Variants in CACNA2D3 observed in about 807,000 individuals in gnomAD.
CACNA2D3 encodes the protein voltage-dependent calcium channel subunit alpha-2/delta-3.
A neutral mutation model predicts 160.6 loss-of-function variants in CACNA2D3; 60 were observed. That is an observed-to-expected ratio of 0.37 (90% CI 0.30 to 0.46). The LOEUF is 0.46. CACNA2D3 is among the 20% of genes least tolerant of loss of function. The pLI, the probability that CACNA2D3 is intolerant of heterozygous loss-of-function variation, is 1.00. For synonymous variants in CACNA2D3, 558 were observed against 492.9 expected, an observed-to-expected ratio of 1.13 and a Z score of -1.75; for missense variants, 1,205 against 1,365.0, an observed-to-expected ratio of 0.88 and a Z score of 1.85.
At chr3:54,839,833 C>A (rs960809863) in intron 16 of CACNA2D3, among the ~76,000 whole-genome samples, 1 of 152,136 alleles carries the variant, frequency 6.6e-6, no homozygotes, top group East Asian at 1.9e-4. Flanking sequence ...CCCTCCAATC[C>A]CTCGTTCCCC....
chr3:54,802,530 T>C (rs1703015762), intron 13 of CACNA2D3, among the ~76,000 whole-genome samples: 1 of 152,204 alleles, frequency 6.6e-6, no homozygotes, highest in Non-Finnish European at 1.5e-5. Context: ...TGAATCCCTT[T>C]ATTTGTACAA....
intron 13 of CACNA2D3, among the ~76,000 whole-genome samples, chr3:54,776,188 C>T (rs1424359075): frequency 6.6e-6 from 1 of 152,190 alleles, no homozygotes; most frequent in African/African-American, 2.4e-5. Flanking sequence ...GGGATAGAAA[C>T]AGATCAGCCA....
intron 3 of CACNA2D3, among the ~76,000 whole-genome samples, chr3:54,359,128 A>G (rs374971493): frequency 6.6e-6 from 1 of 152,348 alleles, no homozygotes; most frequent in African/African-American, 2.4e-5. Flanking sequence ...AGAGAAACAA[A>G]TAGAACATGG....
rs567818601 is a variant in CACNA2D3, at chr3:54,919,948, A to G, written c.2449+20080A>G. On this transcript the variant is annotated intron_variant, in intron 27 of 37. Coordinates refer to ENST00000474759, the MANE Select transcript of CACNA2D3 (RefSeq NM_018398.3). Reference sequence around the variant, plus strand: ...CTCCTCTCAGGAGCGTTGTGAGGTCAGAGGAGTGGGCAGGATGGCCCTCGG... The same window carrying G: ...CTCCTCTCAGGAGCGTTGTGAGGTCGGAGGAGTGGGCAGGATGGCCCTCGG... 4.6e-5 allele frequency among the ~76,000 whole-genome samples: 7 copies of G among 152,292 alleles called. No individual in the cohort carries two copies. In the East Asian group the frequency reaches 1.4e-3, roughly 29 times the overall value.
chr3:54,448,636 C>T (rs1700258714), intron 4 of CACNA2D3, among the ~76,000 whole-genome samples: 1 of 152,170 alleles, frequency 6.6e-6, no homozygotes, highest in African/African-American at 2.4e-5. Flanking sequence ...GAGTCAGCAG[C>T]CTTCATGTTC....
At chr3:54,289,360 G>A (rs1703121968) in intron 2 of CACNA2D3, among the ~76,000 whole-genome samples, 1 of 151,998 alleles carries the variant, frequency 6.6e-6, no homozygotes. Flanking sequence ...GGGACATGAA[G>A]GACCTCTTCA....
At chr3:54,458,805 G>A (rs147740053) in intron 4 of CACNA2D3, among the ~76,000 whole-genome samples, 6,388 of 151,076 alleles carry the variant, frequency 0.042, 465 homozygotes, top group African/African-American at 0.15. Context: ...AAGTTTTAGG[G>A]TACATGTGCA....
intron 5 of CACNA2D3, among the ~76,000 whole-genome samples, chr3:54,547,433 G>A (rs896123561): frequency 1.3e-5 from 2 of 152,100 alleles, no homozygotes; most frequent in Non-Finnish European, 2.9e-5. Flanking sequence ...GATCTCTTGT[G>A]AGATTTGCTC....
chr3:54,584,111 G>T (rs1702722113), intron 9 of CACNA2D3, among the ~76,000 whole-genome samples: 1 of 151,976 alleles, frequency 6.6e-6, no homozygotes, highest in South Asian at 2.1e-4. Context: ...ACTGCTAAGA[G>T]AAAAGATGAA....
At chr3:54,362,673 G>A (rs1698762823) in intron 3 of CACNA2D3, among the ~76,000 whole-genome samples, 1 of 152,152 alleles carries the variant, frequency 6.6e-6, no homozygotes, top group Admixed American at 6.5e-5. Context: ...GACAAAGCAG[G>A]GATTTGATTA....
chr3:54,642,710 A>G (rs1231297319), intron 11 of CACNA2D3, among the ~76,000 whole-genome samples: 1 of 152,106 alleles, frequency 6.6e-6, no homozygotes, highest in Non-Finnish European at 1.5e-5. Flanking sequence ...CACCATTGTC[A>G]GAACTTGTCT....
intron 2 of CACNA2D3, among the ~76,000 whole-genome samples, chr3:54,219,927 C>A (rs538643340): frequency 3.9e-5 from 6 of 152,102 alleles, no homozygotes; most frequent in Non-Finnish European, 7.3e-5. Flanking sequence ...TCTTTCCTTA[C>A]TAACCGAGAG....
At chr3:54,491,121 G>A (rs551141913) in intron 4 of CACNA2D3, among the ~76,000 whole-genome samples, 8 of 152,282 alleles carry the variant, frequency 5.3e-5, no homozygotes, top group African/African-American at 1.4e-4. Context: ...TACTGAGTGG[G>A]CACTGGCTTT....
intron 17 of CACNA2D3, among the ~76,000 whole-genome samples, chr3:54,863,317 C>A (rs1006025968): frequency 6.6e-6 from 1 of 152,080 alleles, no homozygotes; most frequent in African/African-American, 2.4e-5. Context: ...TTTTGCATGC[C>A]CATCTGTGTG....
chr3:54,962,783 C>A (rs1011757702), intron 27 of CACNA2D3, among the ~76,000 whole-genome samples: 3 of 152,118 alleles, frequency 2.0e-5, no homozygotes, highest in Non-Finnish European at 4.4e-5. Flanking sequence ...GACTGGAGGG[C>A]TGGGCAAATG....
At chr3:54,288,641 A>G (rs989843969) in intron 2 of CACNA2D3, among the ~76,000 whole-genome samples, 8 of 152,170 alleles carry the variant, frequency 5.3e-5, no homozygotes, top group Non-Finnish European at 8.8e-5. Context: ...TTAGACCAAT[A>G]TCCTTGATGA....
intron 13 of CACNA2D3, among the ~76,000 whole-genome samples, chr3:54,784,721 A>G (rs1292589973): frequency 1.3e-5 from 2 of 152,234 alleles, no homozygotes; most frequent in East Asian, 3.9e-4. Flanking sequence ...AAATGAAAAG[A>G]GCAAGTTTGC....
intron 11 of CACNA2D3, among the ~76,000 whole-genome samples, chr3:54,739,860 G>T (rs1036190802): frequency 6.6e-6 from 1 of 151,180 alleles, no homozygotes; most frequent in African/African-American, 2.4e-5. Context: ...TATGTATAAA[G>T]AAATACATAT....
chr3:54,759,332 GA>G (rs1702038458), intron 12 of CACNA2D3, among the ~76,000 whole-genome samples: 1 of 152,158 alleles, frequency 6.6e-6, no homozygotes, highest in African/African-American at 2.4e-5. Flanking sequence ...GAAAAAAACA[GA>G]GAGAAAGGGG....
Sources: gnomAD v4.1 joint callset for allele counts (sites outside exome capture counted in the v4.1 genomes callset) on GRCh38, gnomAD v4.1.1 for gene constraint, MANE v1.5 for transcripts, NCBI Gene and HGNC (gene_info 2026-07-23, HGNC 2026-07-21) for gene names.